Variants in MDN1 observed in about 807,000 individuals in gnomAD.
MDN1 encodes the protein midasin.
MDN1 carries 266 observed loss-of-function variants against 669.2 expected under a neutral mutation model. The observed-to-expected ratio is 0.40, with a 90% CI of 0.36 to 0.44. The LOEUF is 0.44. Ranked by LOEUF, MDN1 falls within the 20% of genes least tolerant of loss-of-function variation. MDN1 has a pLI of 1.00. For missense variants in MDN1, 5,940 were observed against 6,754.0 expected (o/e 0.88, Z 4.22); for synonymous variants, 2,385 against 2,457.1 (o/e 0.97, Z 0.87).
intron 37 of MDN1, among the ~76,000 whole-genome samples, chr6:89,725,630 G>A (rs540043223): frequency 6.6e-6 from 1 of 152,026 alleles, no homozygotes; most frequent in Non-Finnish European, 1.5e-5. Flanking sequence ...CAGTGCAGTG[G>A]CACAATCACA....
chr6:89,665,810 C>A (rs1266789616), intron 84 of MDN1, among the ~76,000 whole-genome samples: 1 of 151,884 alleles, frequency 6.6e-6, no homozygotes, highest in East Asian at 1.9e-4. Flanking sequence ...GAGGCTGAGG[C>A]GGGCAGATCA....
At chr6:89,759,298 C>A (rs1018470372) in intron 17 of MDN1, among the ~76,000 whole-genome samples, 1 of 152,102 alleles carries the variant, frequency 6.6e-6, no homozygotes, top group African/African-American at 2.4e-5. Context: ...TAGGGTCAGG[C>A]TATACCAAGA....
At chr6:89,735,749 T>C (rs1815930544) in intron 33 of MDN1, among the ~76,000 whole-genome samples, 1 of 152,090 alleles carries the variant, frequency 6.6e-6, no homozygotes, top group South Asian at 2.1e-4. Context: ...CGGCCAGGCA[T>C]GGTGGCTCAC....
At chr6:89,783,895 T>C (rs1466750655) in intron 9 of MDN1, among the ~76,000 whole-genome samples, 1 of 151,224 alleles carries the variant, frequency 6.6e-6, no homozygotes, top group Non-Finnish European at 1.5e-5. Context: ...GGCAGGAGAA[T>C]CGCTTGAATA....
chr6:89,651,891 T>C (rs2128298682), intron 95 of MDN1, among the ~76,000 whole-genome samples: 1 of 151,420 alleles, frequency 6.6e-6, no homozygotes, highest in Non-Finnish European at 1.5e-5. Flanking sequence ...TGGCACAGCA[T>C]AGACTCTTGC....
chr6:89,734,203 T>C lies in MDN1; in HGVS notation c.4724-1428A>G, dbSNP rs149115392. On this transcript the variant is annotated intron_variant, in intron 33 of 101. Transcript: ENST00000369393. ...GGGTGGCTGAGGCACGAGAATTGCT[T>C]GGACCTGGGAGGCAGAGGTTGCAGT... Among the ~76,000 whole-genome samples the C allele has an allele frequency of 4.1e-4, 62 of 152,142 alleles. 1 individual carries two copies. In the East Asian group the frequency reaches 0.012, roughly 29 times the overall value.
chr6:89,711,500 C>G (rs1413298324), intron 49 of MDN1, among the ~76,000 whole-genome samples: 1 of 152,020 alleles, frequency 6.6e-6, no homozygotes, highest in Non-Finnish European at 1.5e-5. Context: ...TATGAAAATA[C>G]TATCCCATTT....
intron 59 of MDN1, among the ~76,000 whole-genome samples, chr6:89,697,123 A>G (rs1812811619): frequency 1.3e-5 from 2 of 152,246 alleles, no homozygotes; most frequent in African/African-American, 4.8e-5. Context: ...TTGATAGTGC[A>G]AAAGAATGGA....
At chr6:89,670,477 G>A (rs1051317482) in intron 83 of MDN1, among the ~76,000 whole-genome samples, 3 of 151,788 alleles carry the variant, frequency 2.0e-5, no homozygotes, top group African/African-American at 4.8e-5. Flanking sequence ...CACAACAGGC[G>A]AAAAACACTC....
chr6:89,735,347 TA>T (rs201951674), intron 33 of MDN1, among the ~76,000 whole-genome samples: 1 of 147,946 alleles, frequency 6.8e-6, no homozygotes, highest in African/African-American at 2.5e-5. Flanking sequence ...TTTTTTTTTT[TA>T]AACACATCAA....
intron 8 of MDN1, among the ~76,000 whole-genome samples, chr6:89,785,608 C>T (rs1037984942): frequency 1.4e-4 from 22 of 152,172 alleles, no homozygotes; most frequent in Admixed American, 6.5e-4. Context: ...CATGCTTATG[C>T]ATAGGCCACT....
chr6:89,791,902 C>CA (rs1414990095), intron 5 of MDN1, among the ~76,000 whole-genome samples: 18 of 112,546 alleles, frequency 1.6e-4, no homozygotes, highest in African/African-American at 6.4e-4. Context: ...TTTTTTGAGA[C>CA]AGAGTCTCAC....
rs369784802 is a variant in MDN1 at position 89,793,951 on chromosome 6, T to C, written c.666A>G (p.Leu222=). 3 of 1,611,054 alleles carry C rather than the reference T, an allele frequency of 1.9e-6. No individual in the cohort carries two copies. The highest frequency in any genetic ancestry group is 2.5e-6 in the Non-Finnish European group (3 of 1,178,020). The change falls in exon 5 of 102, where the codon TTA becomes TTG. Residue 222 remains leucine (L), a synonymous_variant. Coordinates refer to ENST00000369393, the MANE Select transcript of MDN1 (RefSeq NM_014611.3). ...AGTCCTGCAACTGGGCCTCTTCTAA[T>C]AACCTGAGAGAAAGGAGAGTCTCGT... ...SDELIHFRLR[L]LEEAQLQDLE... is the part of the protein sequence containing the mutation.
chr6:89,762,196 G>A lies in MDN1; in HGVS notation c.2356+123C>T, dbSNP rs140348750. 97 of 778,630 alleles carry A rather than the reference G, an allele frequency of 1.2e-4. No homozygotes were observed. In the African/African-American group the frequency reaches 1.4e-3, roughly 11 times the overall value. The allele number at this position is 778,630 out of a possible 1,614,324, so 48.2% of individuals were successfully genotyped here. A position where few individuals can be genotyped will look rare whatever the true frequency, so the allele number is the denominator to read the frequency against. On this transcript the variant is annotated intron_variant, in intron 16 of 101. Coordinates refer to ENST00000369393, the MANE Select transcript of MDN1 (RefSeq NM_014611.3). Reference sequence around the variant, plus strand: ...AATGGGGCACAATACTTCACAATTAGTCACTTCTGCCAAAGTCCTAGAAAG... The same window carrying A: ...AATGGGGCACAATACTTCACAATTAATCACTTCTGCCAAAGTCCTAGAAAG...
rs13217008 is a variant in MDN1, at chr6:89,816,292, C to T, written c.102+3214G>A. Among the ~76,000 whole-genome samples the T allele has an allele frequency of 3.6e-3, 546 of 152,062 alleles. 3 individuals carry two copies. The highest frequency in any genetic ancestry group is 0.017 in the Middle Eastern group (5 of 294). On this transcript the variant is annotated intron_variant, in intron 1 of 101. Coordinates refer to ENST00000369393, the MANE Select transcript of MDN1 (RefSeq NM_014611.3). Reference sequence around the variant, plus strand: ...GCAGGTGCCTGTAATCCCGGCTACTCGAGAGGCTGAGGCAGGAGAACTGCT... The same window carrying T: ...GCAGGTGCCTGTAATCCCGGCTACTTGAGAGGCTGAGGCAGGAGAACTGCT...
chr6:89,795,683 G>C (rs939685639), intron 2 of MDN1, among the ~76,000 whole-genome samples: 2 of 150,724 alleles, frequency 1.3e-5, no homozygotes, highest in African/African-American at 4.8e-5. Context: ...GCTGGGTGTG[G>C]TGGCTCACAC....
At chr6:89,762,961 TG>T (rs1420209138) in intron 15 of MDN1, among the ~76,000 whole-genome samples, 1 of 151,922 alleles carries the variant, frequency 6.6e-6, no homozygotes, top group Non-Finnish European at 1.5e-5. Flanking sequence ...GAGGCTGAGG[TG>T]GGAGGCTTGA....
Position 89,672,361 on chromosome 6 carries a change from C to G in MDN1, c.13633G>C (p.Gly4545Arg). 6.2e-7 allele frequency: 1 copy of G among 1,612,002 alleles called. No homozygotes were observed. Among genetic ancestry groups the G allele is most frequent in the Non-Finnish European group, 8.5e-7 (1 of 1,179,626 alleles). ...TGTCCTGATTGCAGTCTCTCAAAGC[C>G]TGCTGCCTCATTCATTCAGAGAAAA... ...DQASPQEDYA[G>R]FERLQSGHLT... Residue 4545 changes from glycine to arginine, a missense_variant and splice_region_variant, in exon 82 of 102, where the codon GGC becomes CGC. Physicochemically the swap from Gly to Arg is moderately radical, Grantham distance 125 (BLOSUM62 -2). Around this residue, in one of 5 missense-constraint regions of MDN1, gnomAD observed 2,280 missense variants for 2,576.3 expected, o/e 0.88. Coordinates refer to ENST00000369393, the MANE Select transcript of MDN1 (RefSeq NM_014611.3).
intron 74 of MDN1, among the ~76,000 whole-genome samples, chr6:89,680,020 C>A (rs1181236168): frequency 6.6e-6 from 1 of 152,234 alleles, no homozygotes; most frequent in East Asian, 1.9e-4. Flanking sequence ...ACTGACAGCA[C>A]ACTCACTGCA....
Sources: gnomAD v4.1 joint callset for allele counts (sites outside exome capture counted in the v4.1 genomes callset) on GRCh38, gnomAD v4.1.1 for gene constraint, gnomAD v4.1.1 regional missense constraint, MANE v1.5 for transcripts, NCBI Gene and HGNC (gene_info 2026-07-23, HGNC 2026-07-21) for gene names.